FGF13: variants seen among roughly 807,000 people sequenced by gnomAD.
FGF13 encodes fibroblast growth factor homologous factor 2.
A neutral mutation model predicts 19.5 loss-of-function variants in FGF13; 2 were observed. That is an observed-to-expected ratio of 0.10 (90% confidence interval 0.04 to 0.32). The LOEUF is 0.32. Ranked by LOEUF, FGF13 falls within the 10% of genes least tolerant of loss-of-function variation. The pLI, the probability that FGF13 is intolerant of heterozygous loss-of-function variation, is 1.00. For synonymous variants in FGF13, 72 were observed against 76.9 expected (o/e 0.94, Z 0.33); for missense variants, 113 against 192.7 (o/e 0.59, Z 2.45).
chrX:138,776,326 T>C (rs192131643), intron 3 of FGF13, among the ~76,000 whole-genome samples: 216 of 112,640 alleles, frequency 1.9e-3, no homozygotes, highest in African/African-American at 6.6e-3. Flanking sequence ...GCTGCACACA[T>C]TGTAGAGCTT....
chrX:138,932,712 G>GTA (rs1426801267), intron 1 of FGF13, among the ~76,000 whole-genome samples: 1 of 101,680 alleles, frequency 9.8e-6, no homozygotes, highest in Non-Finnish European at 1.9e-5. Context: ...TAGTGTGTGT[G>GTA]TGTGTGTGTG....
At chrX:139,114,065 A>C (rs2124466932) in intron 1 of FGF13, among the ~76,000 whole-genome samples, 1 of 112,151 alleles carries the variant, frequency 8.9e-6, no homozygotes, top group African/African-American at 3.2e-5. Flanking sequence ...CAGAGAGCTC[A>C]GGTCTCCTTC....
intron 1 of FGF13, among the ~76,000 whole-genome samples, chrX:139,172,200 T>TG (rs1569460746): frequency 8.9e-6 from 1 of 112,229 alleles, no homozygotes; most frequent in East Asian, 2.8e-4. Flanking sequence ...TTTGAAATGA[T>TG]GTTAAGATGT....
In FGF13 at chrX:138,625,508, T is replaced by TA; in HGVS notation, c.*7341dup. ...TAATATATATATATACATATATATA[T>TA]ATAATATAATATATATATATATCTT... On this transcript the variant is annotated 3_prime_UTR_variant, in exon 5 of 5. Transcript: ENST00000315930. 1.1e-5 allele frequency: 1 copy of TA among 90,654 alleles called. No individual in the cohort carries two copies. The highest frequency in any genetic ancestry group is 4.4e-4 in the South Asian group (1 of 2,284). The allele number at this position is 90,654 out of a possible 1,213,427, so 7.5% of individuals were successfully genotyped here. A position where few individuals can be genotyped will look rare whatever the true frequency, so the allele number is the denominator to read the frequency against.
intron 1 of FGF13, among the ~76,000 whole-genome samples, chrX:139,120,791 G>A (rs1054742791): frequency 2.7e-5 from 3 of 112,912 alleles, no homozygotes; most frequent in African/African-American, 9.6e-5. Flanking sequence ...GGCACTGTGG[G>A]CTGTGGGCCA....
intron 1 of FGF13, among the ~76,000 whole-genome samples, chrX:138,738,646 C>T (rs2090297751): frequency 9.0e-6 from 1 of 111,702 alleles, no homozygotes; most frequent in African/African-American, 3.3e-5. Flanking sequence ...GGAACAGATA[C>T]TCTCCTAGTT....
intron 1 of FGF13, among the ~76,000 whole-genome samples, chrX:139,072,620 T>C (rs949618770): frequency 8.9e-6 from 1 of 112,165 alleles, no homozygotes; most frequent in African/African-American, 3.2e-5. Flanking sequence ...AATCTTCTAA[T>C]AGGTCATCTC....
At chrX:138,688,022 G>A (rs1372047319) in intron 3 of FGF13, among the ~76,000 whole-genome samples, 1 of 107,080 alleles carries the variant, frequency 9.3e-6, no homozygotes, top group Non-Finnish European at 1.9e-5. Flanking sequence ...GTGGCACGAT[G>A]TCAGCTCACT....
At chrX:139,179,441 G>A (rs1603232231) in intron 1 of FGF13, among the ~76,000 whole-genome samples, 1 of 82,033 alleles carries the variant, frequency 1.2e-5, no homozygotes, top group Non-Finnish European at 2.3e-5. Context: ...ATACTCTTGT[G>A]ATTCCAGGAC....
intron 3 of FGF13, among the ~76,000 whole-genome samples, chrX:138,698,057 T>C (rs944328778): frequency 9.1e-6 from 1 of 110,464 alleles, no homozygotes; most frequent in African/African-American, 3.3e-5. Flanking sequence ...GCATATATCA[T>C]GGACAAAAGT....
chrX:139,165,276 T>C (rs2084073272), intron 1 of FGF13, among the ~76,000 whole-genome samples: 1 of 112,150 alleles, frequency 8.9e-6, no homozygotes, highest in African/African-American at 3.2e-5. Flanking sequence ...TTCAGGATGA[T>C]GATTGGCTAC....
chrX:139,160,291 A>G (rs773762835), intron 1 of FGF13, among the ~76,000 whole-genome samples: 135 of 112,306 alleles, frequency 1.2e-3, no homozygotes, highest in South Asian at 1.9e-3. Flanking sequence ...TTTGAAACCA[A>G]TGAGAACAAA....
chrX:138,696,866 T>C (rs928578738), intron 3 of FGF13, among the ~76,000 whole-genome samples: 2 of 112,321 alleles, frequency 1.8e-5, no homozygotes, highest in Admixed American at 9.4e-5. Flanking sequence ...TATTTATGCA[T>C]GTATTCATAT....
intron 1 of FGF13, among the ~76,000 whole-genome samples, chrX:138,951,764 A>G (rs1157215259): frequency 8.9e-6 from 1 of 111,945 alleles, no homozygotes; most frequent in African/African-American, 3.2e-5. Flanking sequence ...GTGCATACAC[A>G]ACTCTCATAT....
At chrX:139,146,238 T>C (rs1427556782) in intron 1 of FGF13, among the ~76,000 whole-genome samples, 1 of 111,580 alleles carries the variant, frequency 9.0e-6, no homozygotes, top group Non-Finnish European at 1.9e-5. Context: ...AGGGCTAATA[T>C]CCAGAATCTA....
intron 1 of FGF13, among the ~76,000 whole-genome samples, chrX:138,883,424 GGATACCAAGTTTGAATTTAGAA>G (rs1396723189): frequency 9.0e-6 from 1 of 111,221 alleles, no homozygotes. Context: ...GTCCAAACTG[GGATACCAAGTTTGAATTTAGAA>G]GAGCAAGCAC....
chrX:139,126,247 C>T (rs2083714981), intron 1 of FGF13, among the ~76,000 whole-genome samples: 1 of 111,381 alleles, frequency 9.0e-6, no homozygotes. Context: ...TCCCATAGAA[C>T]GTCCTCCCCT....
intron 1 of FGF13, among the ~76,000 whole-genome samples, chrX:138,984,560 G>A (rs1269137379): frequency 2.3e-5 from 1 of 43,870 alleles, no homozygotes. Flanking sequence ...AGAAGAAGAA[G>A]AAGAAGAAGA....
At chrX:138,909,393 C>A (rs2091575618) in intron 1 of FGF13, among the ~76,000 whole-genome samples, 1 of 111,589 alleles carries the variant, frequency 9.0e-6, no homozygotes, top group African/African-American at 3.3e-5. Context: ...TGGCAGCAGA[C>A]CCAATGGAAA....
Sources: allele counts gnomAD v4.1 joint callset (sites outside exome capture counted in the v4.1 genomes callset), GRCh38; gene constraint gnomAD v4.1.1; transcripts MANE v1.5; gene names NCBI Gene and HGNC (gene_info 2026-07-23, HGNC 2026-07-21).